RERE: variants seen among roughly 807,000 people sequenced by gnomAD.
RERE encodes the protein arginine-glutamic acid dipeptide repeats protein.
In RERE, 40 loss-of-function variants were observed where a neutral mutation model predicts 146.1. The ratio of observed to expected loss-of-function variants is 0.27; its 90% CI spans 0.21 to 0.36. RERE has a LOEUF of 0.36. Ranked by LOEUF, RERE falls within the 10% of genes least tolerant of loss-of-function variation. The pLI is 1.00. For synonymous variants in RERE, 1,003 were observed against 866.0 expected, an observed-to-expected ratio of 1.16 and a Z score of -2.78; for missense variants, 1,933 against 2,138.7, an observed-to-expected ratio of 0.90 and a Z score of 1.90.
At chr1:8,605,760 A>AAAAC (rs1646697753) in intron 4 of RERE, among the ~76,000 whole-genome samples, 2 of 149,740 alleles carry the variant, frequency 1.3e-5, no homozygotes, top group Admixed American at 6.6e-5. Flanking sequence ...AAAAAAAAAA[A>AAAAC]AAAAAAAAAA....
chr1:8,739,085 G>A (rs76204509), intron 1 of RERE, among the ~76,000 whole-genome samples: 2,200 of 152,108 alleles, frequency 0.014, 39 homozygotes, highest in African/African-American at 0.049. Context: ...TTTGAACAAG[G>A]GAAGATAAAA....
intron 7 of RERE, among the ~76,000 whole-genome samples, chr1:8,516,174 G>A (rs1013274015): frequency 1.5e-5 from 2 of 129,384 alleles, no homozygotes; most frequent in East Asian, 2.5e-4. Context: ...GCAGAGAGCC[G>A]AGATCCCGCC....
chr1:8,527,286 T>C (rs767957843), intron 7 of RERE, among the ~76,000 whole-genome samples: 1 of 152,206 alleles, frequency 6.6e-6, no homozygotes, highest in Admixed American at 6.5e-5. Context: ...TTTTCCCTTA[T>C]TGGTATGTGA....
At chr1:8,375,641 C>T (rs1642215293) in intron 12 of RERE, among the ~76,000 whole-genome samples, 1 of 146,202 alleles carries the variant, frequency 6.8e-6, no homozygotes, top group Admixed American at 6.8e-5. Flanking sequence ...CACTCAGCAG[C>T]CACTGAAAAT....
At chr1:8,666,450 G>C (rs1638576105) in intron 1 of RERE, among the ~76,000 whole-genome samples, 1 of 152,212 alleles carries the variant, frequency 6.6e-6, no homozygotes, top group African/African-American at 2.4e-5. Context: ...AGAAGCAGCT[G>C]CAGCCAGCAT....
At chr1:8,596,346 A>G (rs770689845) in intron 4 of RERE, among the ~76,000 whole-genome samples, 1 of 152,232 alleles carries the variant, frequency 6.6e-6, no homozygotes, top group African/African-American at 2.4e-5. Context: ...GTCTTAATTC[A>G]TGAGACATAA....
chr1:8,477,656 C>CA (rs1208277272), intron 10 of RERE, among the ~76,000 whole-genome samples: 1 of 152,162 alleles, frequency 6.6e-6, no homozygotes, highest in African/African-American at 2.4e-5. Flanking sequence ...CACAAAAACA[C>CA]AAAATCAAGA....
At position 8,360,979 on chromosome 1, in the gene RERE, T is replaced by C; in HGVS notation, c.2528A>G (p.Gln843Arg). 1 of 1,440,026 alleles carries C rather than the reference T, an allele frequency of 6.9e-7. No individual in the cohort carries two copies. Among genetic ancestry groups the C allele is most frequent in the Non-Finnish European group, 9.1e-7 (1 of 1,104,078 alleles). The allele number at this position is 1,440,026 out of a possible 1,614,324, so 89.2% of individuals were successfully genotyped here. A position where few individuals can be genotyped will look rare whatever the true frequency, so the allele number is the denominator to read the frequency against. ...AGQPSAPSHA[Q>R]PPLHGQGPPG... is the part of the protein sequence containing the mutation. Reference sequence around the variant, plus strand: ...TGGGCCCTGACCGTGCAGTGGGGGCTGGGCATGAGAGGGTGCAGAAGGCTG... The same window carrying C: ...TGGGCCCTGACCGTGCAGTGGGGGCCGGGCATGAGAGGGTGCAGAAGGCTG... Residue 843 changes from glutamine (Q) to arginine (R), a missense_variant, in exon 18 of 23, where the codon CAG becomes CGG. Gln to Arg is a conservative substitution (Grantham distance 43). Around this residue, in one of 11 missense-constraint regions of RERE, gnomAD observed 1,255 missense variants for 1,153.8 expected, o/e 1.09. Coordinates refer to ENST00000400908, the MANE Select transcript of RERE (RefSeq NM_001042681.2).
intron 1 of RERE, among the ~76,000 whole-genome samples, chr1:8,708,871 C>A (rs1639608484): frequency 1.3e-5 from 2 of 149,994 alleles, no homozygotes; most frequent in Non-Finnish European, 3.0e-5. Context: ...TTTTCCAACT[C>A]ACCAAAATGT....
chr1:8,436,405 T>C (rs1317891690), intron 11 of RERE, among the ~76,000 whole-genome samples: 1 of 152,194 alleles, frequency 6.6e-6, no homozygotes, highest in Non-Finnish European at 1.5e-5. Context: ...CTCCCTACAA[T>C]ATCACCCTAC....
At chr1:8,589,675 A>G (rs74050238) in intron 4 of RERE, among the ~76,000 whole-genome samples, 3,346 of 152,302 alleles carry the variant, frequency 0.022, 131 homozygotes, top group African/African-American at 0.077. Context: ...TTTGCCCCCT[A>G]GTTCCTCCCA....
chr1:8,396,518 C>A (rs1402409496), intron 12 of RERE, among the ~76,000 whole-genome samples: 1 of 152,138 alleles, frequency 6.6e-6, no homozygotes, highest in Admixed American at 6.5e-5. Flanking sequence ...GCAGGATCTT[C>A]ATCTCCTTTT....
chr1:8,709,038 G>A (rs1305642839), intron 1 of RERE, among the ~76,000 whole-genome samples: 4 of 146,182 alleles, frequency 2.7e-5, no homozygotes, highest in South Asian at 2.3e-4. Flanking sequence ...TCAGCCTCCC[G>A]AGTAGCTGGA....
intron 1 of RERE, among the ~76,000 whole-genome samples, chr1:8,774,565 G>T (rs1378236190): frequency 6.6e-6 from 1 of 151,626 alleles, no homozygotes; most frequent in Non-Finnish European, 1.5e-5. Context: ...GTTGTGTCAG[G>T]CTGGTCTTGA....
intron 1 of RERE, among the ~76,000 whole-genome samples, chr1:8,706,420 CT>C (rs1639562974): frequency 6.6e-6 from 1 of 152,194 alleles, no homozygotes; most frequent in Non-Finnish European, 1.5e-5. Context: ...CCAAGCTACA[CT>C]TTTTAAGAGT....
At position 8,354,941 on chromosome 1, in the gene RERE, A is replaced by G; in HGVS notation, c.*146T>C. 1 of 676,814 alleles carries G rather than the reference A, an allele frequency of 1.5e-6. No individual in the cohort carries two copies. The highest frequency in any genetic ancestry group is 2.5e-6 in the Non-Finnish European group (1 of 397,174). 41.9% of individuals were successfully genotyped at this position (676,814 alleles called of 1,614,324 possible). A position where few individuals can be genotyped will look rare whatever the true frequency, so the allele number is the denominator to read the frequency against. On this transcript the variant is annotated 3_prime_UTR_variant, in exon 23 of 23. Transcript: ENST00000400908. ...GACAAACGAACACTACTATGTGGAT[A>G]CATTTTTAGTTGTGGGTTTTTAAAT...
chr1:8,559,280 CAAAAA>C (rs548075266), intron 4 of RERE, among the ~76,000 whole-genome samples: 151 of 12,078 alleles, frequency 0.013, 3 homozygotes, highest in African/African-American at 0.029. Flanking sequence ...AACTCCAGCT[CAAAAA>C]AAAAAAAAAA....
Position 8,656,290 on chromosome 1 carries a change from G to A in RERE, c.8C>T (p.Ala3Val), listed in dbSNP as rs781583540. MT[A>V]DKDKDKDKEK... Reference sequence around the variant, plus strand: ...TTTGTCTTTGTCTTTGTCTTTGTCCGCTGTCATGATTCGCCACGTGCCTTC... The same window carrying A: ...TTTGTCTTTGTCTTTGTCTTTGTCCACTGTCATGATTCGCCACGTGCCTTC... The change falls in exon 2 of 23, where the codon GCG becomes GTG. Residue 3 changes from alanine (A) to valine (V), a missense_variant. This residue lies in a region of RERE where 107 missense variants were observed against 119.7 expected (regional missense o/e 0.89). Transcript: ENST00000400908. 5.6e-6 allele frequency: 9 copies of A among 1,612,340 alleles called. No individual in the cohort carries two copies. Among genetic ancestry groups the A allele is most frequent in the East Asian group, 2.2e-5 (1 of 44,866 alleles).
At chr1:8,355,907 T>C (rs1480785608) in intron 21 of RERE, among the ~76,000 whole-genome samples, 193 bp downstream of exon 21, 2 of 152,042 alleles carry the variant, frequency 1.3e-5, no homozygotes, top group African/African-American at 2.4e-5. Context: ...GGCTGATGCA[T>C]TTATGACCCC....
Sources: gnomAD v4.1 joint callset for allele counts (sites outside exome capture counted in the v4.1 genomes callset) on GRCh38, gnomAD v4.1.1 for gene constraint, gnomAD v4.1.1 regional missense constraint, MANE v1.5 for transcripts, NCBI Gene and HGNC (gene_info 2026-07-23, HGNC 2026-07-21) for gene names.